The following ERCC6L2 variants were observed in gnomAD, a reference collection of about 807,000 sequenced individuals.
ERCC6L2 encodes the protein ERCC excision repair 6 like 2.
ERCC6L2 carries 77 observed loss-of-function variants against 132.0 expected under a neutral mutation model. That is an observed-to-expected ratio of 0.58 (90% CI 0.49 to 0.71). The LOEUF (loss-of-function observed/expected upper bound fraction) is 0.71. ERCC6L2 is among the 30% of genes least tolerant of loss of function. The pLI is 0.00. For synonymous variants in ERCC6L2, 583 were observed against 632.4 expected (o/e 0.92, Z 1.17); for missense variants, 1,542 against 1,837.6 (o/e 0.84, Z 2.94).
At chr9:95,905,498 T>C (rs977671184) in intron 3 of ERCC6L2, among the ~76,000 whole-genome samples, 4 of 152,142 alleles carry the variant, frequency 2.6e-5, no homozygotes, top group African/African-American at 9.7e-5. Context: ...TCAGATGCAA[T>C]TTGCACCTAG....
intron 13 of ERCC6L2, among the ~76,000 whole-genome samples, chr9:95,957,848 G>C (rs1831686238): frequency 6.7e-6 from 1 of 149,780 alleles, no homozygotes; most frequent in Non-Finnish European, 1.5e-5. Flanking sequence ...AATCTTTTGG[G>C]GAAAAAAAAT....
At chr9:95,928,318 A>G (rs138983335) in intron 10 of ERCC6L2, 168 bp downstream of exon 10, 178 of 484,102 alleles carry the variant, frequency 3.7e-4, no homozygotes, top group African/African-American at 2.6e-3. Flanking sequence ...TAAAATTTCA[A>G]TTGTTTCAGG....
Position 96,030,633 on chromosome 9 carries a change from C to T in ERCC6L2, c.*1504-8243C>T, listed in dbSNP as rs60369743. On this transcript the variant is annotated intron_variant and NMD_transcript_variant, in intron 19 of 20. Transcript: ENST00000670016. ...AGGAGGATGGTGTGAGCCCGGGAGGCGGAGCTTGCAGTGAGCCGAGATTGC... is the reference window on the plus strand; with the variant it reads ...AGGAGGATGGTGTGAGCCCGGGAGGTGGAGCTTGCAGTGAGCCGAGATTGC... 6.7e-3 allele frequency among the ~76,000 whole-genome samples: 954 copies of T among 141,912 alleles called. 9 individuals are homozygous for T. The highest frequency in any genetic ancestry group is 0.024 in the African/African-American group (912 of 37,824). The allele number at this position is 141,912 out of a possible 152,430, so 93.1% of individuals were successfully genotyped here.
At chr9:95,984,262 A>G (rs74586756) in intron 17 of ERCC6L2, among the ~76,000 whole-genome samples, 12,908 of 149,058 alleles carry the variant, frequency 0.087, 641 homozygotes, top group Admixed American at 0.13. Flanking sequence ...AACTACATAC[A>G]TGTATGTTAT....
chr9:96,037,660 G>A lies in ERCC6L2; in HGVS notation c.*1504-1216G>A, dbSNP rs561710051. Among the ~76,000 whole-genome samples, 82 of 152,252 alleles carry A rather than the reference G, an allele frequency of 5.4e-4. No individual in the cohort carries two copies. In the South Asian group the frequency reaches 0.017, roughly 32 times the overall value. The stretch of plus-strand genomic sequence containing the variant: ...GATGTCCAAGTGGGAGCAGGGCCAG[G>A]GAATAGCTTCTGAGCACCTAAACGA... On this transcript the variant is annotated intron_variant and NMD_transcript_variant, in intron 19 of 20. Transcript: ENST00000670016.
chr9:95,979,274 A>G (rs997175556), intron 17 of ERCC6L2, among the ~76,000 whole-genome samples: 1 of 152,182 alleles, frequency 6.6e-6, no homozygotes, highest in Non-Finnish European at 1.5e-5. Context: ...AGCTGGCATT[A>G]ATGTCTGGAA....
chr9:95,984,628 T>C (rs568302366), intron 17 of ERCC6L2, among the ~76,000 whole-genome samples: 1 of 152,176 alleles, frequency 6.6e-6, no homozygotes, highest in African/African-American at 2.4e-5. Context: ...TTTTTTATTA[T>C]GATTATATAC....
At chr9:95,990,337 T>C (rs181615929) in intron 17 of ERCC6L2, among the ~76,000 whole-genome samples, 6 of 152,212 alleles carry the variant, frequency 3.9e-5, no homozygotes, top group Admixed American at 1.3e-4. Context: ...AGGTATCAAG[T>C]ATGTGTTGAA....
At position 95,932,193 on chromosome 9, in the gene ERCC6L2, G is replaced by A. The variant is rs530080278; in HGVS notation, c.1751+3329G>A. 2.6e-5 allele frequency among the ~76,000 whole-genome samples: 4 copies of A among 151,894 alleles called. No homozygotes were observed. In the East Asian group the frequency reaches 7.7e-4, roughly 29 times the overall value. Reference sequence around the variant, plus strand: ...CAATTCTCCTGCCTCAGCCTCCCGAGCAGCTGGGACTACAGGCCTGTGCCA... The same window carrying A: ...CAATTCTCCTGCCTCAGCCTCCCGAACAGCTGGGACTACAGGCCTGTGCCA... On this transcript the variant is annotated intron_variant, in intron 11 of 18. Coordinates refer to ENST00000653738, the MANE Select transcript of ERCC6L2 (RefSeq NM_020207.7).
At chr9:95,914,555 T>C (rs1002206744) in intron 4 of ERCC6L2, among the ~76,000 whole-genome samples, 14 of 152,262 alleles carry the variant, frequency 9.2e-5, no homozygotes, top group Admixed American at 3.9e-4. Context: ...GATTTCACCA[T>C]GTTGGCCAGG....
Position 95,921,207 on chromosome 9 carries a change from A to C in ERCC6L2, c.1191A>C (p.Lys397Asn). ...ATTGTTCTTTGACAGATTTCCAGAAAGCTGTCTATCAAACAGTGTTAGAAA... is the reference window on the plus strand; with the variant it reads ...ATTGTTCTTTGACAGATTTCCAGAACGCTGTCTATCAAACAGTGTTAGAAA... ...MVYCSLTDFQ[K>N]AVYQTVLETE... Residue 397 changes from lysine (K) to asparagine (N), a missense_variant, in exon 7 of 19, where the codon AAA becomes AAC. Lys to Asn is a moderately conservative substitution (Grantham distance 94, BLOSUM62 0). Transcript: ENST00000653738. 1 of 1,612,974 alleles carries C rather than the reference A, an allele frequency of 6.2e-7. No individual in the cohort carries two copies. Among genetic ancestry groups the C allele is most frequent in the South Asian group, 1.1e-5 (1 of 90,960 alleles).
At chr9:95,938,003 T>A (rs982503952) in intron 11 of ERCC6L2, among the ~76,000 whole-genome samples, 5 of 152,038 alleles carry the variant, frequency 3.3e-5, no homozygotes, top group African/African-American at 1.2e-4. Flanking sequence ...TGTTGTATTT[T>A]CATTTGTGTT....
intron 11 of ERCC6L2, among the ~76,000 whole-genome samples, chr9:95,929,849 C>T (rs1473018253): frequency 1.3e-5 from 2 of 152,070 alleles, no homozygotes; most frequent in Non-Finnish European, 2.9e-5. Flanking sequence ...GATAGATGCA[C>T]TAAACAATGG....
chr9:95,882,369 G>A (rs1827640435), intron 2 of ERCC6L2, among the ~76,000 whole-genome samples: 1 of 152,170 alleles, frequency 6.6e-6, no homozygotes, highest in African/African-American at 2.4e-5. Context: ...CCTGTCAGAA[G>A]CTGCCTGCTA....
downstream of ERCC6L2, chr9:96,021,791 G>C (rs1834295528): frequency 6.5e-6 from 1 of 152,860 alleles, no homozygotes; most frequent in Middle Eastern, 3.4e-3. This position sits in a 1 kb window ranked among gnomAD's most constrained non-coding sequence, Gnocchi z 4.7. Flanking sequence ...GGGCGGAGGC[G>C]CCGGCAGGGT....
chr9:95,966,555 G>C lies in ERCC6L2; in HGVS notation c.1948-7G>C. On this transcript the variant is annotated splice_polypyrimidine_tract_variant and splice_region_variant and intron_variant, in intron 13 of 18. Coordinates refer to ENST00000653738, the MANE Select transcript of ERCC6L2 (RefSeq NM_020207.7). ...TTCAAAAATGTCTTGTGTTTTTTCT[G>C]TTTTAGCAACTTCACTGTGTGGTGG... 6.9e-7 allele frequency: 1 copy of C among 1,458,912 alleles called. No homozygotes were observed. The highest frequency in any genetic ancestry group is 9.2e-7 in the Non-Finnish European group (1 of 1,088,832). The allele number at this position is 1,458,912 out of a possible 1,614,324, so 90.4% of individuals were successfully genotyped here.
At chr9:95,888,432 G>C (rs1827990774) in intron 2 of ERCC6L2, among the ~76,000 whole-genome samples, 1 of 152,118 alleles carries the variant, frequency 6.6e-6, no homozygotes, top group Admixed American at 6.5e-5. Context: ...CTATTCTAGA[G>C]GTGACTGATT....
intron 20 of ERCC6L2, among the ~76,000 whole-genome samples, chr9:96,039,293 G>A (rs1834552293): frequency 6.6e-6 from 1 of 152,188 alleles, no homozygotes; most frequent in African/African-American, 2.4e-5. Context: ...GAGGTGCAAG[G>A]GGCCATGTGG....
chr9:95,976,659 TA>T (rs1280857473), intron 16 of ERCC6L2, among the ~76,000 whole-genome samples: 1 of 152,182 alleles, frequency 6.6e-6, no homozygotes, highest in African/African-American at 2.4e-5. Flanking sequence ...AATTTTGTTG[TA>T]AATGTCCATG....
Sources: gnomAD v4.1 joint callset for allele counts (sites outside exome capture counted in the v4.1 genomes callset) on GRCh38, gnomAD v4.1.1 for gene constraint, Gnocchi (gnomAD v3.1) non-coding constraint, MANE v1.5 for transcripts, NCBI Gene and HGNC (gene_info 2026-07-23, HGNC 2026-07-21) for gene names.